Variants in SYBU observed in about 807,000 individuals in gnomAD.
SYBU encodes GOLSYN A protein.
SYBU carries 21 observed loss-of-function variants against 35.9 expected under a neutral mutation model. That is an observed-to-expected ratio of 0.58 (90% CI 0.41 to 0.84). The LOEUF is 0.84. SYBU is among the 40% of genes least tolerant of loss of function. SYBU has a pLI of 0.00. For missense variants in SYBU, 768 were observed against 848.2 expected, an observed-to-expected ratio of 0.91 and a Z score of 1.17; for synonymous variants, 319 against 324.3, an observed-to-expected ratio of 0.98 and a Z score of 0.18.
chr8:109,667,116 A>C (rs1053391037), intron 1 of SYBU, among the ~76,000 whole-genome samples: 6 of 152,038 alleles, frequency 3.9e-5, no homozygotes, highest in Admixed American at 3.9e-4. Context: ...TACTATTGTT[A>C]TTATTATTTC....
upstream of SYBU, among the ~76,000 whole-genome samples, chr8:109,682,210 G>A (rs1335322771): frequency 6.6e-6 from 1 of 152,176 alleles, no homozygotes; most frequent in African/African-American, 2.4e-5. Context: ...GCAGGCAGAG[G>A]TTAAAACAGT....
chr8:109,586,276 G>A, intron 3 of SYBU, 114 bp from the exon 4 acceptor site: 2 of 727,114 alleles, frequency 2.8e-6, no homozygotes, highest in Non-Finnish European at 4.5e-6. Flanking sequence ...ATTGGCAAGT[G>A]CCAAGATTCC....
chr8:109,576,042 TAAAAAAAAAAAAAAA>T (rs71305959), intron 6 of SYBU, 29 bp from the exon 7 acceptor site: 64 of 846,622 alleles, frequency 7.6e-5, no homozygotes, highest in Middle Eastern at 4.2e-4. Flanking sequence ...CATGGTTAAT[TAAAAAAAAAAAAAAA>T]AAAAAAAAAA....
At chr8:109,683,943 C>T (rs181706853), upstream of SYBU, among the ~76,000 whole-genome samples, 236 of 152,302 alleles carry the variant, frequency 1.5e-3, 1 homozygote, top group Middle Eastern at 3.4e-3. Context: ...GCCTTCTCTT[C>T]CACTATGATT....
At chr8:109,621,484 A>G (rs1812390487) in intron 2 of SYBU, among the ~76,000 whole-genome samples, 1 of 152,178 alleles carries the variant, frequency 6.6e-6, no homozygotes, top group South Asian at 2.1e-4. Context: ...CAGGATTTAA[A>G]CCACTACAAA....
intron 1 of SYBU, among the ~76,000 whole-genome samples, chr8:109,653,743 GATTGACAGACAAAA>G (rs1231224128): frequency 6.6e-6 from 1 of 152,022 alleles, no homozygotes; most frequent in African/African-American, 2.4e-5. Context: ...CATTTCTCCT[GATTGACAGACAAAA>G]ATAGGAGGTA....
At chr8:109,586,827 AC>A (rs1823676584) in intron 3 of SYBU, among the ~76,000 whole-genome samples, 1 of 152,252 alleles carries the variant, frequency 6.6e-6, no homozygotes, top group Non-Finnish European at 1.5e-5. Flanking sequence ...GGGTGGGATT[AC>A]AGGTAGGGAT....
intron 1 of SYBU, chr8:109,680,567 G>A (rs1817368518): frequency 1.8e-5 from 1 of 56,662 alleles, no homozygotes; most frequent in African/African-American, 1.5e-4. Context: ...CCAAAACTAG[G>A]CTTATTTGGA....
chr8:109,673,372 T>A lies in SYBU; in HGVS notation c.-129+7339A>T, dbSNP rs752253424. Reference sequence around the variant, plus strand: ...ATCTTTGCTGTTCTGCAGCCTCCGCTGGTGATACCCAGGCAAACAGAGTCT... The same window carrying A: ...ATCTTTGCTGTTCTGCAGCCTCCGCAGGTGATACCCAGGCAAACAGAGTCT... On this transcript the variant is annotated intron_variant, in intron 1 of 5. Transcript: ENST00000408889. Among the ~76,000 whole-genome samples the A allele has an allele frequency of 6.2e-4, 95 of 152,196 alleles. 3 individuals are homozygous for A. The highest frequency in any genetic ancestry group is 2.6e-4 in the Non-Finnish European group (18 of 68,028).
rs763699136 is a variant in SYBU at position 109,579,872 on chromosome 8, T to C, written c.661A>G (p.Ser221Gly). ...NQLSPVNIHP[S>G]YAPSSPSSSN... Reference sequence around the variant, plus strand: ...CTGCTTGGGGAAGAAGGTGCATAACTGGGATGGATATTGACAGGGCTCAGC... The same window carrying C: ...CTGCTTGGGGAAGAAGGTGCATAACCGGGATGGATATTGACAGGGCTCAGC... The change falls in exon 5 of 7, where the codon AGT becomes GGT. Residue 221 changes from serine to glycine, a missense_variant. Transcript: ENST00000276646. The C allele has an allele frequency of 1.1e-5, 18 of 1,605,024 alleles. No homozygotes were observed. The highest frequency in any genetic ancestry group is 8.4e-5 in the Admixed American group (5 of 59,684).
At chr8:109,685,749 G>C (rs952031970), upstream of SYBU, among the ~76,000 whole-genome samples, 3 of 152,234 alleles carry the variant, frequency 2.0e-5, no homozygotes, top group Non-Finnish European at 2.9e-5. Flanking sequence ...GGAAATAATG[G>C]CTCATTATTT....
At position 109,642,861 on chromosome 8, in the gene SYBU, G is replaced by C. The variant is rs1409596370; in HGVS notation, c.96C>G (p.Pro32=). ...CTTTGTGCTGTTGTTGGGGCATATGGGGCCGAAGAATCAACCGGGGAATTC... is the reference window on the plus strand; with the variant it reads ...CTTTGTGCTGTTGTTGGGGCATATGCGGCCGAAGAATCAACCGGGGAATTC... The part of the protein sequence containing the change: ...RSRIPRLILR[P]HMPQQQHKVS... Residue 32 remains proline, a synonymous_variant, in exon 2 of 7, where the codon CCC becomes CCG. Transcript: ENST00000276646. 6.2e-7 allele frequency: 1 copy of C among 1,607,004 alleles called. No homozygotes were observed. Among genetic ancestry groups the C allele is most frequent in the Admixed American group, 1.7e-5 (1 of 58,904 alleles).
At chr8:109,626,724 A>G (rs1813017737) in intron 2 of SYBU, among the ~76,000 whole-genome samples, 1 of 152,198 alleles carries the variant, frequency 6.6e-6, no homozygotes, top group Admixed American at 6.5e-5. Flanking sequence ...AGCCTAGGAA[A>G]CATGGTGAAA....
At chr8:109,663,972 A>G (rs1816667470) in intron 1 of SYBU, among the ~76,000 whole-genome samples, 1 of 152,238 alleles carries the variant, frequency 6.6e-6, no homozygotes, top group Admixed American at 6.5e-5. Flanking sequence ...CAGGACTAAT[A>G]CAAATATGGT....
upstream of SYBU, among the ~76,000 whole-genome samples, chr8:109,683,838 G>A (rs1470723657): frequency 6.6e-6 from 1 of 152,170 alleles, no homozygotes; most frequent in Non-Finnish European, 1.5e-5. Context: ...ATGATAGTGA[G>A]TGTGTTCTCA....
chr8:109,636,838 G>A (rs540755160), intron 2 of SYBU, among the ~76,000 whole-genome samples: 98 of 152,296 alleles, frequency 6.4e-4, no homozygotes, highest in Non-Finnish European at 1.2e-3. Flanking sequence ...AACCTATTAT[G>A]TAGACATAAA....
intron 3 of SYBU, among the ~76,000 whole-genome samples, chr8:109,592,773 C>A (rs748551507): frequency 4.6e-5 from 7 of 152,148 alleles, no homozygotes; most frequent in Non-Finnish European, 7.4e-5. Context: ...GTATCTTGAC[C>A]AAGTTTTTTT....
intron 1 of SYBU, 87 bp downstream of exon 1, chr8:109,644,549 C>G: frequency 6.9e-7 from 1 of 1,440,350 alleles, no homozygotes; most frequent in Non-Finnish European, 9.4e-7. Context: ...CTAAATGTCA[C>G]CCCTCCAGCT....
At chr8:109,654,912 C>T (rs1816292957) in intron 1 of SYBU, among the ~76,000 whole-genome samples, 2 of 152,138 alleles carry the variant, frequency 1.3e-5, no homozygotes, top group East Asian at 1.9e-4. Flanking sequence ...ATTTCTCTAC[C>T]ACCTCTTCCT....
Sources: gnomAD v4.1 joint callset for allele counts (sites outside exome capture counted in the v4.1 genomes callset) on GRCh38, gnomAD v4.1.1 for gene constraint, MANE v1.5 for transcripts, NCBI Gene and HGNC (gene_info 2026-07-23, HGNC 2026-07-21) for gene names.